Variants in SIGLEC15 observed in about 807,000 individuals in gnomAD.
SIGLEC15 encodes sialic acid binding Ig like lectin 15.
Under a neutral mutation model 26.2 loss-of-function variants are expected in SIGLEC15, and 31 were observed. The observed-to-expected ratio is 1.18, with a 90% CI of 0.89 to 1.60. The LOEUF (loss-of-function observed/expected upper bound fraction) is 1.60. Among genes scored for constraint, SIGLEC15 ranks in the 40% most tolerant of loss-of-function variants. SIGLEC15 has a pLI of 0.00. For missense variants in SIGLEC15, 501 were observed against 488.4 expected (o/e 1.03, Z -0.24); for synonymous variants, 207 against 221.9 (o/e 0.93, Z 0.60).
In SIGLEC15 at chr18:45,838,959, CGA is replaced by C; in HGVS notation, c.740_741del (p.Glu247GlyfsTer64). 6.2e-7 allele frequency: 1 copy of C among 1,604,538 alleles called. No homozygotes were observed. The highest frequency in any genetic ancestry group is 8.5e-7 in the Non-Finnish European group (1 of 1,178,384). ...CTAANSLGRS[E>X]ASVYLFRFHG... ...CGGCCGCCAACAGCCTGGGCCGCTC[CGA>C]GGCCAGCGTCTACCTGTTCCGCTTC... On this transcript the variant is annotated frameshift_variant, in exon 4 of 6. Transcript: ENST00000389474. LOFTEE classifies it high-confidence loss of function.
Position 45,837,501 on chromosome 18 carries a change from C to T in SIGLEC15, c.113-12C>T, listed in dbSNP as rs2048285067. The T allele has an allele frequency of 2.7e-6, 4 of 1,479,080 alleles. No homozygotes were observed. The highest frequency in any genetic ancestry group is 2.5e-5 in the Admixed American group (1 of 40,112). 91.6% of individuals were successfully genotyped at this position (1,479,080 alleles called of 1,614,324 possible). On this transcript the variant is annotated splice_polypyrimidine_tract_variant and intron_variant, in intron 2 of 5. Coordinates refer to ENST00000389474, the MANE Select transcript of SIGLEC15 (RefSeq NM_213602.3). Reference sequence around the variant, plus strand: ...AGGGCCCCGAGCCTGACGCAGCCCGCCCCGCCCTCAGGCTCGCCAGCGCAG... The same window carrying T: ...AGGGCCCCGAGCCTGACGCAGCCCGTCCCGCCCTCAGGCTCGCCAGCGCAG...
chr18:45,826,345 G>A (rs988844405), intron 1 of SIGLEC15, among the ~76,000 whole-genome samples: 1 of 152,090 alleles, frequency 6.6e-6, no homozygotes, highest in African/African-American at 2.4e-5. Context: ...TCGGTGACTT[G>A]GTATCCTGGG....
At chr18:45,825,899 A>C (rs1568076100) in intron 1 of SIGLEC15, 119 bp downstream of exon 1, 3 of 1,219,740 alleles carry the variant, frequency 2.5e-6, no homozygotes, top group Non-Finnish European at 3.5e-6. Flanking sequence ...AGGCCTGTGG[A>C]GGAGGAAGAG....
chr18:45,837,967 G>T lies in SIGLEC15; in HGVS notation c.496+71G>T, dbSNP rs573523620. 4 of 1,404,278 alleles carry T rather than the reference G, an allele frequency of 2.8e-6. No individual in the cohort carries two copies. In the East Asian group the frequency reaches 9.0e-5, roughly 32 times the overall value. 87.0% of individuals were successfully genotyped at this position (1,404,278 alleles called of 1,614,324 possible). On this transcript the variant is annotated intron_variant, in intron 3 of 5. Coordinates refer to ENST00000389474, the MANE Select transcript of SIGLEC15 (RefSeq NM_213602.3). ...CCGCCTGCCCCGCCCCAAGGGCTAC[G>T]TGGGTGCCAGGCGCTGTGCTGAGCC...
intron 1 of SIGLEC15, among the ~76,000 whole-genome samples, chr18:45,828,517 G>T (rs891670145): frequency 6.6e-6 from 1 of 152,170 alleles, no homozygotes; most frequent in African/African-American, 2.4e-5. Context: ...GGCCTCAGGT[G>T]GTCCTCAAGC....
At chr18:45,840,557 T>TC (rs1176451253) in intron 5 of SIGLEC15, among the ~76,000 whole-genome samples, 6 of 152,194 alleles carry the variant, frequency 3.9e-5, no homozygotes, top group Admixed American at 3.9e-4. Context: ...TCATCCCCGT[T>TC]CCCCCCTGGC....
rs2048302724 is a variant in SIGLEC15 at position 45,839,055 on chromosome 18, G to GCTC, written c.835_837dup (p.Leu279dup). The stretch of plus-strand genomic sequence containing the variant: ...CTCTCGGCTTCAAGGCGCTGCTGCT[G>GCTC]CTCGGGGTCCTGGCCGCCCGCGCTG... On this transcript the variant is annotated inframe_insertion, in exon 4 of 6. Transcript: ENST00000389474. 7 of 1,517,140 alleles carry GCTC rather than the reference G, an allele frequency of 4.6e-6. No homozygotes were observed. Among genetic ancestry groups the GCTC allele is most frequent in the Non-Finnish European group, 5.2e-6 (6 of 1,143,158 alleles). The allele number at this position is 1,517,140 out of a possible 1,614,324, so 94.0% of individuals were successfully genotyped here.
chr18:45,835,205 T>G (rs1005549743), intron 1 of SIGLEC15, among the ~76,000 whole-genome samples: 61 of 151,966 alleles, frequency 4.0e-4, no homozygotes, highest in Non-Finnish European at 8.1e-4. Flanking sequence ...GAAGCAGAAG[T>G]TGAGCAGCCA....
In SIGLEC15 at chr18:45,843,805, G is replaced by C. The variant is rs890467629; in HGVS notation, c.*1618G>C. ...GAGGCAGAAGTATTGCTTGAACCCAGGAGGCAGAGGTTGCAGTGAGCTGAG... is the reference window on the plus strand; with the variant it reads ...GAGGCAGAAGTATTGCTTGAACCCACGAGGCAGAGGTTGCAGTGAGCTGAG... On this transcript the variant is annotated 3_prime_UTR_variant, in exon 6 of 6. Transcript: ENST00000389474. The C allele has an allele frequency of 3.9e-5, 6 of 152,322 alleles. No homozygotes were observed. Among genetic ancestry groups the C allele is most frequent in the African/African-American group, 1.2e-4 (5 of 41,542 alleles). 9.4% of individuals were successfully genotyped at this position (152,322 alleles called of 1,614,324 possible). A position where few individuals can be genotyped will look rare whatever the true frequency, so the allele number is the denominator to read the frequency against.
intron 1 of SIGLEC15, 92 bp downstream of exon 1, chr18:45,825,872 A>T (rs2048181183): frequency 6.8e-7 from 1 of 1,476,828 alleles, no homozygotes; most frequent in Non-Finnish European, 9.4e-7. Context: ...GGCAGGAAGC[A>T]GGTGTGCAGA....
At position 45,837,749 on chromosome 18, in the gene SIGLEC15, C is replaced by A; in HGVS notation, c.349C>A (p.Leu117Met). The A allele has an allele frequency of 6.6e-7, 1 of 1,515,490 alleles. No individual in the cohort carries two copies. Among genetic ancestry groups the A allele is most frequent in the Non-Finnish European group, 8.8e-7 (1 of 1,140,250 alleles). The allele number at this position is 1,515,490 out of a possible 1,614,324, so 93.9% of individuals were successfully genotyped here. Residue 117 changes from leucine (L) to methionine (M), a missense_variant, in exon 3 of 6, where the codon CTG becomes ATG. Physicochemically the swap from Leu to Met is conservative, Grantham distance 15. Coordinates refer to ENST00000389474, the MANE Select transcript of SIGLEC15 (RefSeq NM_213602.3). ...GAGCCTGCACGGCCGCTTCCGGCTG[C>A]TGGGCAACCCGCGCCGCAACGACCT... ...ALSLHGRFRL[L>M]GNPRRNDLSL... is the part of the protein sequence containing the mutation.
chr18:45,830,752 A>AT (rs34498635), intron 1 of SIGLEC15, among the ~76,000 whole-genome samples: 7,074 of 118,112 alleles, frequency 0.06, 395 homozygotes, highest in African/African-American at 0.14. Flanking sequence ...TGCCAGGCTA[A>AT]TTTTTTTTTT....
chr18:45,836,854 T>A (rs1237316862), intron 1 of SIGLEC15, among the ~76,000 whole-genome samples, 175 bp from the exon 2 acceptor site: 1 of 152,174 alleles, frequency 6.6e-6, no homozygotes, highest in Non-Finnish European at 1.5e-5. Flanking sequence ...AGTGCTGGTG[T>A]CCTCGGAGAA....
intron 3 of SIGLEC15, 40 bp from the exon 4 acceptor site, chr18:45,838,678 G>A: frequency 6.6e-7 from 1 of 1,515,376 alleles, no homozygotes; most frequent in Middle Eastern, 1.8e-4. Flanking sequence ...GCTAAGGGGA[G>A]GGGTGCCCTT....
intron 4 of SIGLEC15, among the ~76,000 whole-genome samples, chr18:45,839,951 C>T (rs2048310830): frequency 6.6e-6 from 1 of 152,116 alleles, no homozygotes; most frequent in African/African-American, 2.4e-5. Flanking sequence ...TTGCCCGTTT[C>T]TTGGAACTCA....
In SIGLEC15 at chr18:45,837,547, AC is replaced by A; in HGVS notation, c.150del (p.Glu51ArgfsTer2). 1 of 1,517,180 alleles carries A rather than the reference AC, an allele frequency of 6.6e-7. No individual in the cohort carries two copies. Among genetic ancestry groups the A allele is most frequent in the Non-Finnish European group, 8.8e-7 (1 of 1,139,946 alleles). The allele number at this position is 1,517,180 out of a possible 1,614,324, so 94.0% of individuals were successfully genotyped here. ...PAQRWSMQVP[P>X]EVSAEAGDAA... ...CGCAGCGCTGGTCCATGCAGGTGCC[AC>A]CCGAGGTGAGCGCGGAGGCAGGCGA... On this transcript the variant is annotated frameshift_variant, in exon 3 of 6. Transcript: ENST00000389474. LOFTEE classifies it high-confidence loss of function.
rs747136072 is a variant in SIGLEC15 at position 45,838,667 on chromosome 18, G to T, written c.497-51G>T. ...ACCCCTCCGGCTCTGGCGTCCAAAG[G>T]GCTAAGGGGAGGGGTGCCCTTGTGA... On this transcript the variant is annotated intron_variant, in intron 3 of 5. Transcript: ENST00000389474. The T allele has an allele frequency of 6.0e-6, 9 of 1,490,814 alleles. No homozygotes were observed. The Admixed American group carries it at 6.5e-5, about 11-fold the overall frequency. The allele number at this position is 1,490,814 out of a possible 1,614,324, so 92.3% of individuals were successfully genotyped here.
At chr18:45,841,402 C>G (rs796456081) in intron 5 of SIGLEC15, among the ~76,000 whole-genome samples, 1 of 151,946 alleles carries the variant, frequency 6.6e-6, no homozygotes, top group Non-Finnish European at 1.5e-5. Context: ...GGAGGGTGGA[C>G]GGGAGGAAGG....
At chr18:45,826,637 C>A (rs2048187074) in intron 1 of SIGLEC15, among the ~76,000 whole-genome samples, 1 of 152,220 alleles carries the variant, frequency 6.6e-6, no homozygotes, top group African/African-American at 2.4e-5. Flanking sequence ...AGCATCCATG[C>A]CACTGTATGC....
Sources: gnomAD v4.1 joint callset for allele counts (sites outside exome capture counted in the v4.1 genomes callset) on GRCh38, gnomAD v4.1.1 for gene constraint, MANE v1.5 for transcripts, NCBI Gene and HGNC (gene_info 2026-07-23, HGNC 2026-07-21) for gene names.